CGRRF1: variants seen among roughly 807,000 people sequenced by gnomAD.
The protein encoded by CGRRF1 is cell growth regulator with ring finger domain 1, also known as cell growth regulator with RING finger domain protein 1.
A neutral mutation model predicts 37.2 loss-of-function variants in CGRRF1; 32 were observed. The observed-to-expected ratio is 0.86, with a 90% CI of 0.65 to 1.16. The LOEUF (loss-of-function observed/expected upper bound fraction) is 1.16. CGRRF1 is among the 50% of genes most tolerant of loss of function. The pLI, the probability that CGRRF1 is intolerant of heterozygous loss-of-function variation, is 0.00. For missense variants in CGRRF1, 391 were observed against 382.6 expected, an observed-to-expected ratio of 1.02 and a Z score of -0.18; for synonymous variants, 141 against 140.3, an observed-to-expected ratio of 1.00 and a Z score of -0.04.
Position 54,509,922 on chromosome 14 carries a change from C to T in CGRRF1, c.-38C>T, listed in dbSNP as rs181249929. On this transcript the variant is annotated 5_prime_UTR_variant, in exon 1 of 6. Coordinates refer to ENST00000216420, the MANE Select transcript of CGRRF1 (RefSeq NM_006568.3). Reference sequence around the variant, plus strand: ...GGCTCAGCCGGGCTGGGCTGGGCTCCGCGGCTGGAGCCGGGCTCTACCCAG... The same window carrying T: ...GGCTCAGCCGGGCTGGGCTGGGCTCTGCGGCTGGAGCCGGGCTCTACCCAG... 1.2e-5 allele frequency: 18 copies of T among 1,509,992 alleles called. No individual in the cohort carries two copies. The highest frequency in any genetic ancestry group is 1.2e-4 in the Admixed American group (7 of 59,720). The allele number at this position is 1,509,992 out of a possible 1,614,324, so 93.5% of individuals were successfully genotyped here. A position where few individuals can be genotyped will look rare whatever the true frequency, so the allele number is the denominator to read the frequency against.
chr14:54,528,939 C>T (rs1377749449), intron 2 of CGRRF1, among the ~76,000 whole-genome samples: 1 of 152,106 alleles, frequency 6.6e-6, no homozygotes, highest in Non-Finnish European at 1.5e-5. Context: ...GGAGCATCTG[C>T]TTGTATTTGT....
Position 54,538,307 on chromosome 14 carries a change from G to A in CGRRF1, c.923G>A (p.Cys308Tyr). The stretch of plus-strand genomic sequence containing the variant: ...AAGTATTTTCAGCAGTGCCCAATGT[G>A]CAGGCAGTTTGTTCAGGAATCTTTT... Reference protein sequence around the residue: ...CVKYFQQCPMCRQFVQESFAL... With the variant: ...CVKYFQQCPMYRQFVQESFAL... The change falls in exon 6 of 6, where the codon TGC (cysteine) becomes TAC (tyrosine). Residue 308 changes from cysteine (C) to tyrosine (Y), a missense_variant. Coordinates refer to ENST00000216420, the MANE Select transcript of CGRRF1 (RefSeq NM_006568.3). The A allele has an allele frequency of 6.2e-7, 1 of 1,614,132 alleles. No homozygotes were observed. Among genetic ancestry groups the A allele is most frequent in the Non-Finnish European group, 8.5e-7 (1 of 1,179,986 alleles).
chr14:54,535,393 A>T (rs796539537), intron 4 of CGRRF1, among the ~76,000 whole-genome samples: 1 of 150,838 alleles, frequency 6.6e-6, no homozygotes, highest in Non-Finnish European at 1.5e-5. Context: ...ACACACACAC[A>T]CTTTTTGTAA....
chr14:54,519,152 T>C (rs2032270999), intron 1 of CGRRF1, among the ~76,000 whole-genome samples: 1 of 151,974 alleles, frequency 6.6e-6, no homozygotes, highest in Non-Finnish European at 1.5e-5. Context: ...CTCCATGTTG[T>C]TCAAGCTGGT....
chr14:54,537,217 A>G (rs1354196097), intron 4 of CGRRF1: 2 of 152,082 alleles, frequency 1.3e-5, no homozygotes, highest in African/African-American at 4.8e-5. Flanking sequence ...AAGGCTTTGT[A>G]GTCTGTTTTA....
intron 1 of CGRRF1, among the ~76,000 whole-genome samples, chr14:54,511,356 A>T (rs1463169200): frequency 6.6e-6 from 1 of 152,234 alleles, no homozygotes; most frequent in Non-Finnish European, 1.5e-5. Context: ...GACCAATCTT[A>T]CACAATTGGT....
chr14:54,535,778 G>C (rs2032592109), intron 4 of CGRRF1, among the ~76,000 whole-genome samples: 1 of 152,132 alleles, frequency 6.6e-6, no homozygotes, highest in African/African-American at 2.4e-5. Context: ...CCTCCCTCCA[G>C]TCGGTTCTTG....
chr14:54,534,163 C>T (rs1382665992), intron 4 of CGRRF1, among the ~76,000 whole-genome samples: 4 of 151,838 alleles, frequency 2.6e-5, no homozygotes, highest in Non-Finnish European at 4.4e-5. Context: ...CTCGCTCTGT[C>T]GCCCAGGCTG....
In CGRRF1 at chr14:54,536,411, A is replaced by G. The variant is rs556343633; in HGVS notation, c.571-1311A>G. 20 of 152,208 alleles carry G rather than the reference A, an allele frequency of 1.3e-4. No homozygotes were observed. In the South Asian group the frequency reaches 2.3e-3, roughly 17 times the overall value. 9.4% of individuals were successfully genotyped at this position (152,208 alleles called of 1,614,324 possible). A position where few individuals can be genotyped will look rare whatever the true frequency, so the allele number is the denominator to read the frequency against. On this transcript the variant is annotated intron_variant, in intron 4 of 5. Coordinates refer to ENST00000216420, the MANE Select transcript of CGRRF1 (RefSeq NM_006568.3). ...CTTATGCTGAATAATTCATATATACATATCTTAATATTGTTGGAATTGTAT... is the reference window on the plus strand; with the variant it reads ...CTTATGCTGAATAATTCATATATACGTATCTTAATATTGTTGGAATTGTAT...
intron 3 of CGRRF1, 162 bp from the exon 4 acceptor site, chr14:54,530,741 T>C (rs1282854602): frequency 2.3e-5 from 20 of 877,872 alleles, no homozygotes; most frequent in Non-Finnish European, 3.0e-5. Flanking sequence ...GTGGAGTGAA[T>C]GTCTCTATCA....
At chr14:54,525,660 A>G (rs1294172395) in intron 2 of CGRRF1, among the ~76,000 whole-genome samples, 1 of 152,250 alleles carries the variant, frequency 6.6e-6, no homozygotes, top group African/African-American at 2.4e-5. Context: ...TTAAAATAAT[A>G]TTGTAACAAT....
rs1165844839 is a variant in CGRRF1 at position 54,538,174 on chromosome 14, G to A, written c.790G>A (p.Val264Ile). 6.2e-7 allele frequency: 1 copy of A among 1,614,102 alleles called. No individual in the cohort carries two copies. The highest frequency in any genetic ancestry group is 8.5e-7 in the Non-Finnish European group (1 of 1,180,054). Residue 264 changes from valine (V) to isoleucine (I), a missense_variant, in exon 6 of 6, where the codon GTT (valine) becomes ATT (isoleucine). Physicochemically the swap from Val to Ile is conservative, Grantham distance 29. Transcript: ENST00000216420. ...LEKVGLSESE[V>I]EPSEENSKDC... ...AAAGGTGGGACTCTCTGAAAGTGAA[G>A]TTGAGCCATCGGAAGAGAACAGCAA...
At chr14:54,511,868 G>A (rs1309554258) in intron 1 of CGRRF1, among the ~76,000 whole-genome samples, 1 of 152,214 alleles carries the variant, frequency 6.6e-6, no homozygotes, top group Non-Finnish European at 1.5e-5. Flanking sequence ...TGTAAATCCA[G>A]TCACTTCCAT....
chr14:54,529,996 G>A (rs1340528104), intron 2 of CGRRF1, 53 bp from the exon 3 acceptor site: 138 of 1,440,192 alleles, frequency 9.6e-5, no homozygotes, highest in Non-Finnish European at 7.7e-6. Context: ...CTGTATGATT[G>A]TATTAGAAGT....
At chr14:54,523,098 A>G (rs58804069) in intron 2 of CGRRF1, 29,337 of 156,482 alleles carry the variant, frequency 0.19, 3,308 homozygotes, top group East Asian at 0.38. Flanking sequence ...CTCCCAAGTC[A>G]CTGAGATTAC....
chr14:54,534,982 G>A (rs959041287), intron 4 of CGRRF1, among the ~76,000 whole-genome samples: 36 of 152,100 alleles, frequency 2.4e-4, no homozygotes, highest in African/African-American at 8.0e-4. Context: ...ATCTCCCAAA[G>A]GGCTGAGATT....
rs778731017 is a variant in CGRRF1 at position 54,530,127 on chromosome 14, A to G, written c.323A>G (p.Tyr108Cys). 3 of 1,613,380 alleles carry G rather than the reference A, an allele frequency of 1.9e-6. No homozygotes were observed. The highest frequency in any genetic ancestry group is 2.2e-5 in the South Asian group (2 of 91,064). The change falls in exon 3 of 6, where the codon TAT becomes TGT. Residue 108 changes from tyrosine to cysteine, a missense_variant. By Grantham distance (194) the Tyr-to-Cys change is radical (BLOSUM62 -2). Coordinates refer to ENST00000216420, the MANE Select transcript of CGRRF1 (RefSeq NM_006568.3). ...CYWGCSVQKLYEALQKHVYCF... is the reference protein window; with the variant it reads ...CYWGCSVQKLCEALQKHVYCF... ...TGGGGGTGCAGTGTTCAAAAATTAT[A>G]TGAAGCTCTGCAGAAGCATGTTTAT...
chr14:54,514,134 A>G (rs1438535401), intron 1 of CGRRF1, among the ~76,000 whole-genome samples: 1 of 152,188 alleles, frequency 6.6e-6, no homozygotes. Context: ...TACCTCTATT[A>G]TCTTGTCATG....
At position 54,538,198 on chromosome 14, in the gene CGRRF1, A is replaced by G. The variant is rs1377690352; in HGVS notation, c.814A>G (p.Lys272Glu). The change falls in exon 6 of 6, where the codon AAG (lysine) becomes GAG (glutamate). Residue 272 changes from lysine (K) to glutamate (E), a missense_variant. Coordinates refer to ENST00000216420, the MANE Select transcript of CGRRF1 (RefSeq NM_006568.3). ...SEVEPSEENS[K>E]DCVVCQNGTV... ...AGTTGAGCCATCGGAAGAGAACAGC[A>G]AGGACTGTGTTGTTTGCCAGAATGG... The G allele has an allele frequency of 3.1e-6, 5 of 1,614,112 alleles. No homozygotes were observed. The South Asian group carries it at 3.3e-5, about 11-fold the overall frequency.
Sources: gnomAD v4.1 joint callset for allele counts (sites outside exome capture counted in the v4.1 genomes callset) on GRCh38, gnomAD v4.1.1 for gene constraint, MANE v1.5 for transcripts, NCBI Gene and HGNC (gene_info 2026-07-23, HGNC 2026-07-21) for gene names.